ANO8: variants seen among roughly 807,000 people sequenced by gnomAD.
ANO8 encodes anoctamin 8.
A neutral mutation model predicts 120.4 loss-of-function variants in ANO8; 67 were observed. The ratio of observed to expected loss-of-function variants is 0.56; its 90% CI spans 0.46 to 0.68. ANO8 has a LOEUF of 0.68. Among genes scored for constraint, ANO8 ranks in the 30% least tolerant of loss-of-function variants. The probability of loss-of-function intolerance (pLI) is 0.00; values close to 1 mark genes in which losing one functional copy is unlikely to be tolerated. For synonymous variants in ANO8, 727 were observed against 759.2 expected (o/e 0.96, Z 0.70); for missense variants, 1,526 against 1,737.6 (o/e 0.88, Z 2.16).
rs1555724765 is a variant in ANO8 at position 17,328,440 on chromosome 19, C to T, written c.1948G>A (p.Glu650Lys). 1 of 1,576,168 alleles carries T rather than the reference C, an allele frequency of 6.3e-7. No individual in the cohort carries two copies. The highest frequency in any genetic ancestry group is 8.6e-7 in the Non-Finnish European group (1 of 1,166,662). Residue 650 changes from glutamate (E) to lysine (K), a missense_variant, in exon 13 of 18, where the codon GAG becomes AAG. This residue lies in a region of ANO8 where 467 missense variants were observed against 425.8 expected (regional missense o/e 1.10). Transcript: ENST00000159087. Reference sequence around the variant, plus strand: ...TCGGCCAGGGTGAACACTCCCGGCTCCAGCCCCTTCTCCACCATAGTGGGG... The same window carrying T: ...TCGGCCAGGGTGAACACTCCCGGCTTCAGCCCCTTCTCCACCATAGTGGGG... Reference protein sequence around the residue: ...GSPTMVEKGLEPGVFTLAEED... With the variant: ...GSPTMVEKGLKPGVFTLAEED...
intron 12 of ANO8, chr19:17,329,521 C>G (rs1207825271): frequency 1.1e-5 from 6 of 570,908 alleles, no homozygotes. Context: ...GGCTCTGGGA[C>G]AGGGACAGGA....
chr19:17,334,501 G>T (rs1218651793), intron 1 of ANO8, 64 bp downstream of exon 1: 2 of 1,334,570 alleles, frequency 1.5e-6, no homozygotes, highest in East Asian at 2.9e-5. Flanking sequence ...CCTCCTCCCC[G>T]TGTAGTTGAC....
At chr19:17,331,931 CTTTT>C (rs71180396) in intron 5 of ANO8, among the ~76,000 whole-genome samples, 863 of 78,594 alleles carry the variant, frequency 0.011, 13 homozygotes, top group African/African-American at 0.042. Context: ...CCGCGCCCGG[CTTTT>C]TTTTTTTTTT....
rs773204377 is a variant in ANO8, at chr19:17,325,283, T to C, written c.2765A>G (p.His922Arg). 6.2e-7 allele frequency: 1 copy of C among 1,607,280 alleles called. No homozygotes were observed. The highest frequency in any genetic ancestry group is 8.5e-7 in the Non-Finnish European group (1 of 1,179,818). Residue 922 changes from histidine to arginine, a missense_variant, in exon 17 of 18, where the codon CAT becomes CGT. By Grantham distance (29) the His-to-Arg change is conservative. Around this residue, in one of 8 missense-constraint regions of ANO8, gnomAD observed 489 missense variants for 548.6 expected, o/e 0.89. Transcript: ENST00000159087. ...CGCCTCCTCTCGGCCACCAGAATCATGCTCCCGCCGGGCATGGTGCTCTGC... is the reference window on the plus strand; with the variant it reads ...CGCCTCCTCTCGGCCACCAGAATCACGCTCCCGCCGGGCATGGTGCTCTGC... ...RHAEHHARRE[H>R]DSGGREEARA...
chr19:17,324,919 G>T lies in ANO8; in HGVS notation c.3129C>A (p.His1043Gln), dbSNP rs564693313. 6.2e-7 allele frequency: 1 copy of T among 1,613,424 alleles called. No individual in the cohort carries two copies. Among genetic ancestry groups the T allele is most frequent in the African/African-American group, 1.3e-5 (1 of 75,062 alleles). Residue 1043 changes from histidine (H) to glutamine (Q), a missense_variant, in exon 17 of 18, where the codon CAC (histidine) becomes CAA (glutamine). Physicochemically the swap from His to Gln is conservative, Grantham distance 24 (BLOSUM62 0). This residue lies in a region of ANO8 where 489 missense variants were observed against 548.6 expected (regional missense o/e 0.89). Coordinates refer to ENST00000159087, the MANE Select transcript of ANO8 (RefSeq NM_020959.3). ...PETRRDSERSHSPPKAFHAGK... is the reference protein window; with the variant it reads ...PETRRDSERSQSPPKAFHAGK... The stretch of plus-strand genomic sequence containing the variant: ...CAGCATGGAAGGCTTTGGGCGGTGA[G>T]TGGCTGCGCTCAGAGTCCCGCCGGG...
chr19:17,328,907 C>G lies in ANO8; in HGVS notation c.1481G>C (p.Arg494Pro). The part of the protein sequence containing the change: ...REVLQPHLYR[R>P]LGRGELGLRA... ...CAGGCCCAGCTCGCCGCGGCCCAGG[C>G]GCCGGTACAGGTGCGGCTGCAGGAC... Residue 494 changes from arginine (R) to proline (P), a missense_variant, in exon 13 of 18, where the codon CGC becomes CCC. By Grantham distance (103) the Arg-to-Pro change is moderately radical (BLOSUM62 -2). Transcript: ENST00000159087. 1 of 1,508,328 alleles carries G rather than the reference C, an allele frequency of 6.6e-7. No homozygotes were observed. The highest frequency in any genetic ancestry group is 8.8e-7 in the Non-Finnish European group (1 of 1,131,752). 93.4% of individuals were successfully genotyped at this position (1,508,328 alleles called of 1,614,324 possible).
Position 17,330,436 on chromosome 19 carries a change from G to C in ANO8, c.1062C>G (p.Leu354=), listed in dbSNP as rs1432905441. The C allele has an allele frequency of 1.3e-6, 2 of 1,570,490 alleles. No individual in the cohort carries two copies. Among genetic ancestry groups the C allele is most frequent in the African/African-American group, 2.7e-5 (2 of 73,762 alleles). ...EFYYPPWKRL[L]FQLLVSLPLC... The stretch of plus-strand genomic sequence containing the variant: ...GGGGGAGGCTCACAAGCAGCTGGAA[G>C]AGCAGCCGCTTCCAGGGCGGGTAGT... The change falls in exon 9 of 18, where the codon CTC becomes CTG. Residue 354 remains leucine, a synonymous_variant. Coordinates refer to ENST00000159087, the MANE Select transcript of ANO8 (RefSeq NM_020959.3).
chr19:17,334,721 C>T lies in ANO8; in HGVS notation c.-51G>A. On this transcript the variant is annotated 5_prime_UTR_variant, in exon 1 of 18. Transcript: ENST00000159087. ...TACGGACGGCCCGGGCGACGGGGAGCCGCGGGCTCATGGGGCCGGTGCAGC... is the reference window on the plus strand; with the variant it reads ...TACGGACGGCCCGGGCGACGGGGAGTCGCGGGCTCATGGGGCCGGTGCAGC... 7.6e-7 allele frequency: 1 copy of T among 1,322,636 alleles called. No homozygotes were observed. The highest frequency in any genetic ancestry group is 9.7e-7 in the Non-Finnish European group (1 of 1,031,138). The allele number at this position is 1,322,636 out of a possible 1,614,324, so 81.9% of individuals were successfully genotyped here. A position where few individuals can be genotyped will look rare whatever the true frequency, so the allele number is the denominator to read the frequency against.
Position 17,328,367 on chromosome 19 carries a change from G to T in ANO8, c.2021C>A (p.Pro674His), listed in dbSNP as rs1414890912. 1.7e-5 allele frequency: 27 copies of T among 1,575,404 alleles called. No homozygotes were observed. The highest frequency in any genetic ancestry group is 2.3e-5 in the Non-Finnish European group (27 of 1,165,132). The change falls in exon 13 of 18, where the codon CCC (proline) becomes CAC (histidine). Residue 674 changes from proline (P) to histidine (H), a missense_variant. Physicochemically the swap from Pro to His is moderately conservative, Grantham distance 77. Transcript: ENST00000159087. ...EGAPGSPERE[P>H]PAILFRRAGG... is the part of the protein sequence containing the mutation. Reference sequence around the variant, plus strand: ...GGCCCGGCGGAACAAGATGGCCGGGGGCTCCCGTTCAGGGCTGCCGGGAGC... The same window carrying T: ...GGCCCGGCGGAACAAGATGGCCGGGTGCTCCCGTTCAGGGCTGCCGGGAGC...
chr19:17,330,197 C>A lies in ANO8; in HGVS notation c.1201G>T (p.Val401Phe). The A allele has an allele frequency of 6.2e-7, 1 of 1,614,026 alleles. No homozygotes were observed. The highest frequency in any genetic ancestry group is 1.1e-5 in the South Asian group (1 of 91,084). Reference sequence around the variant, plus strand: ...ACACTGACAAGCAGGGCCAGCATGACCTTAGGCAGGAATCGGGCGAGACGG... The same window carrying A: ...ACACTGACAAGCAGGGCCAGCATGAACTTAGGCAGGAATCGGGCGAGACGG... Reference protein sequence around the residue: ...LPRLARFLPKVMLALLVSVSA... With the variant: ...LPRLARFLPKFMLALLVSVSA... The change falls in exon 10 of 18, where the codon GTC (valine) becomes TTC (phenylalanine). Residue 401 changes from valine to phenylalanine, a missense_variant. By Grantham distance (50) the Val-to-Phe change is conservative (BLOSUM62 -1). Around this residue, in one of 8 missense-constraint regions of ANO8, gnomAD observed 91 missense variants for 85.3 expected, o/e 1.07. Transcript: ENST00000159087.
At chr19:17,327,051 T>A (rs536939139) in intron 16 of ANO8, among the ~76,000 whole-genome samples, 184 bp downstream of exon 16, 11 of 152,178 alleles carry the variant, frequency 7.2e-5, no homozygotes, top group Non-Finnish European at 1.5e-4. Context: ...CCTCCCACTT[T>A]GGCCTCCCAA....
Position 17,328,750 on chromosome 19 carries a change from G to A in ANO8, c.1638C>T (p.Leu546=). Residue 546 remains leucine (L), a synonymous_variant, in exon 13 of 18, where the codon CTC becomes CTT. Coordinates refer to ENST00000159087, the MANE Select transcript of ANO8 (RefSeq NM_020959.3). ...GGSGGGGRRC[L]SGGCGAPEEE... is the part of the protein sequence containing the mutation. ...CCTCCGGCGCCCCGCAGCCCCCGCT[G>A]AGGCACCTGCGGCCCCCGCCCCCGC... The A allele has an allele frequency of 7.5e-7, 1 of 1,335,604 alleles. No individual in the cohort carries two copies. The highest frequency in any genetic ancestry group is 9.5e-7 in the Non-Finnish European group (1 of 1,048,392). The allele number at this position is 1,335,604 out of a possible 1,614,324, so 82.7% of individuals were successfully genotyped here.
At chr19:17,325,525 C>G in intron 16 of ANO8, 139 bp from the exon 17 acceptor site, 1 of 1,270,042 alleles carries the variant, frequency 7.9e-7, no homozygotes, top group Non-Finnish European at 1.1e-6. Context: ...TATCCCTGCA[C>G]CCACAATGGG....
intron 16 of ANO8, among the ~76,000 whole-genome samples, chr19:17,325,709 C>G (rs546460628): frequency 6.6e-6 from 1 of 152,314 alleles, no homozygotes; most frequent in Admixed American, 6.5e-5. Flanking sequence ...GGGAGGATCA[C>G]TTGAGGCCAG....
chr19:17,333,664 G>C lies in ANO8; in HGVS notation c.217+26C>G. The C allele has an allele frequency of 7.5e-7, 1 of 1,332,526 alleles. No homozygotes were observed. The highest frequency in any genetic ancestry group is 1.0e-6 in the Non-Finnish European group (1 of 984,084). 82.5% of individuals were successfully genotyped at this position (1,332,526 alleles called of 1,614,324 possible). ...CAGGAGAGCCGCATCTGGGCACTGGGCGGGCGGGCGGGCGGGCTTGGGTAC... is the reference window on the plus strand; with the variant it reads ...CAGGAGAGCCGCATCTGGGCACTGGCCGGGCGGGCGGGCGGGCTTGGGTAC... On this transcript the variant is annotated intron_variant, in intron 2 of 17. Coordinates refer to ENST00000159087, the MANE Select transcript of ANO8 (RefSeq NM_020959.3). This position sits in a 1 kb window ranked among gnomAD's most constrained non-coding sequence, Gnocchi z 7.2.
In ANO8 at chr19:17,334,586, C is replaced by A. The variant is rs867067956; in HGVS notation, c.85G>T (p.Ala29Ser). ...KRPPPEGEPAAPASGVLDKLF... is the reference protein window; with the variant it reads ...KRPPPEGEPASPASGVLDKLF... ...ATACCCAGAACTCCGGACGCCGGGG[C>A]TGCAGGCTCGCCCTCCGGCGGGGGC... Residue 29 changes from alanine (A) to serine (S), a missense_variant, in exon 1 of 18, where the codon GCC becomes TCC. Ala to Ser is a moderately conservative substitution (Grantham distance 99). Transcript: ENST00000159087. 1.3e-6 allele frequency: 2 copies of A among 1,552,282 alleles called. No individual in the cohort carries two copies. The highest frequency in any genetic ancestry group is 8.6e-7 in the Non-Finnish European group (1 of 1,157,498).
In ANO8 at chr19:17,327,422, CT is replaced by C. The variant is rs776517161; in HGVS notation, c.2550+15del. The C allele has an allele frequency of 1.5e-5, 24 of 1,593,142 alleles. No homozygotes were observed. The highest frequency in any genetic ancestry group is 1.8e-5 in the Non-Finnish European group (21 of 1,170,074). On this transcript the variant is annotated intron_variant, in intron 15 of 17. Transcript: ENST00000159087. ...TCTCGCCTCCCAGCTGCCCCCGCCC[CT>C]GTCGCCGGCCCCACCTCGAGCACTA...
Position 17,327,892 on chromosome 19 carries a change from C to T in ANO8, c.2227-12G>A, listed in dbSNP as rs759442473. On this transcript the variant is annotated splice_polypyrimidine_tract_variant and intron_variant, in intron 13 of 17. Transcript: ENST00000159087. ...TCCTGGAACGTGTCCTGCGAGTGGG[C>T]GGGCCTCAGACCTGGAAGCCTCTTC... The T allele has an allele frequency of 1.2e-6, 2 of 1,609,866 alleles. No homozygotes were observed. The highest frequency in any genetic ancestry group is 1.1e-5 in the South Asian group (1 of 90,610).
intron 17 of ANO8, 50 bp downstream of exon 17, chr19:17,324,667 T>C (rs2074260746): frequency 7.2e-7 from 1 of 1,395,962 alleles, no homozygotes; most frequent in African/African-American, 1.5e-5. Context: ...CACCCTACCC[T>C]ATCCCCAAAG....
Sources: gnomAD v4.1 joint callset for allele counts (sites outside exome capture counted in the v4.1 genomes callset) on GRCh38, gnomAD v4.1.1 for gene constraint, gnomAD v4.1.1 regional missense constraint, Gnocchi (gnomAD v3.1) non-coding constraint, MANE v1.5 for transcripts, NCBI Gene and HGNC (gene_info 2026-07-23, HGNC 2026-07-21) for gene names.